TRAPPC9: variants seen among roughly 807,000 people sequenced by gnomAD.
The protein encoded by TRAPPC9 is trafficking protein particle complex subunit 9, also known as IKK2 binding protein.
In TRAPPC9, 83 loss-of-function variants were observed where a neutral mutation model predicts 124.0. The ratio of observed to expected loss-of-function variants is 0.67; its 90% CI spans 0.56 to 0.80. The LOEUF (loss-of-function observed/expected upper bound fraction) is 0.80, where lower values mean the gene tolerates loss of function less well. Among genes scored for constraint, TRAPPC9 ranks in the 30% least tolerant of loss-of-function variants. The pLI is 0.00. For missense variants in TRAPPC9, 1,302 were observed against 1,508.3 expected, an observed-to-expected ratio of 0.86 and a Z score of 2.27; for synonymous variants, 638 against 617.5, an observed-to-expected ratio of 1.03 and a Z score of -0.49.
chr8:140,424,349 TAAA>T (rs1207453509), intron 5 of TRAPPC9, among the ~76,000 whole-genome samples: 1 of 143,322 alleles, frequency 7.0e-6, no homozygotes, highest in Non-Finnish European at 1.5e-5. Context: ...GAAATTAAAT[TAAA>T]AAAAAAAAAG....
intron 9 of TRAPPC9, among the ~76,000 whole-genome samples, chr8:140,340,066 C>T (rs145064465): frequency 1.2e-3 from 187 of 152,288 alleles, no homozygotes; most frequent in African/African-American, 4.1e-3. Flanking sequence ...ACGCTGGTCT[C>T]GAACTCCTGA....
chr8:140,106,601 G>T (rs1483640439), intron 17 of TRAPPC9, among the ~76,000 whole-genome samples: 1 of 152,090 alleles, frequency 6.6e-6, no homozygotes, highest in South Asian at 2.1e-4. Context: ...GGGAGCGAGG[G>T]GGCAGTGAGG....
chr8:139,889,740 GA>G (rs1279938041), intron 20 of TRAPPC9, among the ~76,000 whole-genome samples: 1 of 152,226 alleles, frequency 6.6e-6, no homozygotes, highest in African/African-American at 2.4e-5. Flanking sequence ...AGAGAACTGA[GA>G]AATCTCGCAG....
At chr8:139,740,793 T>A (rs995105010) in intron 21 of TRAPPC9, among the ~76,000 whole-genome samples, 12 of 152,180 alleles carry the variant, frequency 7.9e-5, no homozygotes, top group African/African-American at 2.7e-4. Flanking sequence ...TCCTTCGGCC[T>A]CTCCACCTCC....
chr8:139,850,504 C>A (rs1346864029), intron 21 of TRAPPC9, among the ~76,000 whole-genome samples: 1 of 152,194 alleles, frequency 6.6e-6, no homozygotes, highest in African/African-American at 2.4e-5. Context: ...ACACTGTAAT[C>A]AGAAGTCATC....
At chr8:140,235,609 G>C (rs1284238230) in intron 16 of TRAPPC9, among the ~76,000 whole-genome samples, 3 of 152,204 alleles carry the variant, frequency 2.0e-5, no homozygotes. Flanking sequence ...ATGTAGACCA[G>C]AACAGCTGTA....
At chr8:140,094,800 C>T (rs1256483995) in intron 17 of TRAPPC9, 3 of 152,228 alleles carry the variant, frequency 2.0e-5, no homozygotes, top group Admixed American at 2.0e-4. Flanking sequence ...GGGCAGCTTC[C>T]TTCATTTTCT....
chr8:140,345,256 G>T (rs1163178254), intron 9 of TRAPPC9, among the ~76,000 whole-genome samples: 1 of 152,228 alleles, frequency 6.6e-6, no homozygotes, highest in East Asian at 1.9e-4. Context: ...GAGATGGGGT[G>T]GAGGTGCTGA....
chr8:139,755,021 G>A (rs1323181994), intron 21 of TRAPPC9, among the ~76,000 whole-genome samples: 2 of 152,252 alleles, frequency 1.3e-5, no homozygotes, highest in Admixed American at 6.5e-5. Context: ...CATCGGTCTT[G>A]GCTGCCTGGG....
chr8:140,271,896 C>T (rs1183587248), intron 15 of TRAPPC9, among the ~76,000 whole-genome samples: 1 of 152,082 alleles, frequency 6.6e-6, no homozygotes, highest in African/African-American at 2.4e-5. Flanking sequence ...GTGGCAATAG[C>T]AATAGTGGCA....
At chr8:140,150,495 G>A (rs939869345) in intron 17 of TRAPPC9, among the ~76,000 whole-genome samples, 1 of 152,162 alleles carries the variant, frequency 6.6e-6, no homozygotes, top group Non-Finnish European at 1.5e-5. Flanking sequence ...TCATGTGTAC[G>A]TATTATTATC....
intron 17 of TRAPPC9, among the ~76,000 whole-genome samples, chr8:140,075,069 G>T (rs568723762): frequency 1.3e-5 from 2 of 152,238 alleles, no homozygotes; most frequent in Non-Finnish European, 2.9e-5. Flanking sequence ...ACTCTCCTCT[G>T]CAATAAAAGG....
intron 20 of TRAPPC9, among the ~76,000 whole-genome samples, chr8:139,901,229 C>A (rs1034234008): frequency 6.6e-6 from 1 of 152,102 alleles, no homozygotes; most frequent in African/African-American, 2.4e-5. Context: ...TTGCATCCCA[C>A]GCGCAAGCTC....
intron 19 of TRAPPC9, among the ~76,000 whole-genome samples, chr8:139,919,790 G>C (rs2131329658): frequency 6.6e-6 from 1 of 152,304 alleles, no homozygotes; most frequent in South Asian, 2.1e-4. Flanking sequence ...GCCCAGAGCA[G>C]GTGCGGAGGA....
chr8:139,811,454 C>A (rs1824438637), intron 21 of TRAPPC9, among the ~76,000 whole-genome samples: 1 of 152,184 alleles, frequency 6.6e-6, no homozygotes. Flanking sequence ...ACTGAAATGG[C>A]CCACTGAGGG....
intron 19 of TRAPPC9, among the ~76,000 whole-genome samples, chr8:139,959,108 C>T (rs574889351): frequency 8.5e-5 from 13 of 152,332 alleles, no homozygotes; most frequent in African/African-American, 2.9e-4. Flanking sequence ...CCCTGCATTC[C>T]GAGTCACACA....
At position 140,105,185 on chromosome 8, in the gene TRAPPC9, C is replaced by A. The variant is rs1283920558; in HGVS notation, c.2557-81106G>T. On this transcript the variant is annotated intron_variant, in intron 17 of 22. Coordinates refer to ENST00000438773, the MANE Select transcript of TRAPPC9 (RefSeq NM_001160372.4). ...ACTGTGATTAGCAGCATATCATTGT[C>A]ATTAGTGGCCTCACCCAGAGGCCTC... Among the ~76,000 whole-genome samples the A allele has an allele frequency of 2.0e-5, 3 of 152,224 alleles. No individual in the cohort carries two copies. The East Asian group carries it at 5.8e-4, about 29-fold the overall frequency.
chr8:139,820,817 A>G (rs2130792217), intron 21 of TRAPPC9, among the ~76,000 whole-genome samples: 1 of 152,354 alleles, frequency 6.6e-6, no homozygotes, highest in Middle Eastern at 3.4e-3. Flanking sequence ...TTTAAAATCA[A>G]CTGGTCCTGG....
intron 15 of TRAPPC9, among the ~76,000 whole-genome samples, chr8:140,269,682 G>GT (rs2064816480): frequency 6.6e-6 from 1 of 152,220 alleles, no homozygotes; most frequent in African/African-American, 2.4e-5. Context: ...TGGTTTGTAT[G>GT]TAAGTGTTTG....
Sources: allele counts gnomAD v4.1 joint callset (sites outside exome capture counted in the v4.1 genomes callset), GRCh38; gene constraint gnomAD v4.1.1; transcripts MANE v1.5; gene names NCBI Gene and HGNC (gene_info 2026-07-23, HGNC 2026-07-21).